EGFL6: variants seen among roughly 807,000 people sequenced by gnomAD.
The protein encoded by EGFL6 is EGF like domain multiple 6.
In EGFL6, 42 loss-of-function variants were observed where a neutral mutation model predicts 43.1. That is an observed-to-expected ratio of 0.98 (90% CI 0.76 to 1.26). The LOEUF is 1.26. EGFL6 is among the 50% of genes most tolerant of loss of function. The pLI is 0.00. For synonymous variants in EGFL6, 164 were observed against 163.2 expected (o/e 1.01, Z -0.04); for missense variants, 429 against 427.8 (o/e 1.00, Z -0.02).
At chrX:13,615,775 TC>T (rs1011836856) in intron 7 of EGFL6, among the ~76,000 whole-genome samples, 1 of 112,205 alleles carries the variant, frequency 8.9e-6, no homozygotes, top group African/African-American at 3.2e-5. Flanking sequence ...AAAGCATTTT[TC>T]CCCCGTTTGG....
chrX:13,587,329 T>G, intron 1 of EGFL6, among the ~76,000 whole-genome samples: 1 of 112,356 alleles, frequency 8.9e-6, no homozygotes, highest in Non-Finnish European at 1.9e-5. Context: ...TTATGGTTAG[T>G]TGCCCATAGT....
intron 2 of EGFL6, 151 bp downstream of exon 2, chrX:13,589,819 C>G (rs2045554077): frequency 2.5e-6 from 1 of 400,372 alleles, no homozygotes; most frequent in Admixed American, 4.6e-5. Context: ...CCTATGAGAT[C>G]TCTTCCCAGA....
At chrX:13,605,667 C>CATCTATTT (rs1201485984) in intron 5 of EGFL6, among the ~76,000 whole-genome samples, 2 of 109,767 alleles carry the variant, frequency 1.8e-5, no homozygotes, top group Non-Finnish European at 3.8e-5. Flanking sequence ...AACAAACTAA[C>CATCTATTT]ATCTATTTGA....
At chrX:13,604,585 C>T (rs1025015842) in intron 5 of EGFL6, among the ~76,000 whole-genome samples, 2 of 111,909 alleles carry the variant, frequency 1.8e-5, no homozygotes. Context: ...CCACAGGGCA[C>T]CCTCAGTGAC....
chrX:13,569,835 G>A lies in EGFL6; in HGVS notation c.-27G>A. The A allele has an allele frequency of 8.3e-7, 1 of 1,207,527 alleles. No homozygotes were observed. ...CCGGCGCCCTCCCGAGGGGGGCTCA[G>A]GAGGAGGAAGGAGGACCCGTGCGAG... On this transcript the variant is annotated 5_prime_UTR_variant, in exon 1 of 12. Coordinates refer to ENST00000361306, the MANE Select transcript of EGFL6 (RefSeq NM_015507.4).
At chrX:13,598,794 CAT>C (rs2045614770) in intron 3 of EGFL6, among the ~76,000 whole-genome samples, 1 of 103,117 alleles carries the variant, frequency 9.7e-6, no homozygotes, top group Non-Finnish European at 2.0e-5. Flanking sequence ...GTATATATTT[CAT>C]ATATATATAA....
chrX:13,621,183 ATGG>A (rs2045746558), intron 9 of EGFL6, among the ~76,000 whole-genome samples: 1 of 112,591 alleles, frequency 8.9e-6, no homozygotes, highest in Admixed American at 9.4e-5. Context: ...ATCCCAGGAA[ATGG>A]TGGTTGGGGG....
At chrX:13,625,913 A>G (rs1431720618) in intron 10 of EGFL6, among the ~76,000 whole-genome samples, 4 of 89,049 alleles carry the variant, frequency 4.5e-5, no homozygotes, top group Admixed American at 1.3e-4. Flanking sequence ...AGAAAAAGAA[A>G]AAAAGAAAAG....
At chrX:13,627,774 G>A (rs1035416157) in intron 11 of EGFL6, among the ~76,000 whole-genome samples, 7 of 112,017 alleles carry the variant, frequency 6.2e-5, no homozygotes, top group Admixed American at 5.7e-4. Flanking sequence ...CACAAGTACA[G>A]TTTGTATAGA....
intron 8 of EGFL6, among the ~76,000 whole-genome samples, chrX:13,618,801 A>G (rs1351777462): frequency 9.0e-6 from 1 of 111,165 alleles, no homozygotes; most frequent in Non-Finnish European, 1.9e-5. Context: ...ATTTAACCAA[A>G]GGAAAAGTAG....
intron 5 of EGFL6, among the ~76,000 whole-genome samples, chrX:13,605,263 A>G (rs767613450): frequency 1.8e-5 from 2 of 111,530 alleles, no homozygotes; most frequent in Non-Finnish European, 1.9e-5. Flanking sequence ...GCAAGACTCC[A>G]TCTCTATAAA....
At chrX:13,628,508 G>A (rs1334488894) in intron 11 of EGFL6, among the ~76,000 whole-genome samples, 3 of 110,771 alleles carry the variant, frequency 2.7e-5, no homozygotes, top group Non-Finnish European at 3.8e-5. Context: ...CACTGTGGAC[G>A]TTATAAAGAG....
Position 13,606,477 on chromosome X carries a change from G to A in EGFL6, c.619G>A (p.Glu207Lys), listed in dbSNP as rs1321889644. The A allele has an allele frequency of 1.7e-5, 21 of 1,209,479 alleles. No homozygotes were observed. Among genetic ancestry groups the A allele is most frequent in the African/African-American group, 3.5e-5 (2 of 57,204 alleles). ...CTACTGCAAATGTCACATTGGTTTC[G>A]AACTGCAATATATCAGTGGACGATA... is the stretch of plus-strand genomic sequence containing the variant. ...SYYCKCHIGF[E>K]LQYISGRYDC... Residue 207 changes from glutamate (E) to lysine (K), a missense_variant, in exon 6 of 12, where the codon GAA becomes AAA. Coordinates refer to ENST00000361306, the MANE Select transcript of EGFL6 (RefSeq NM_015507.4).
intron 9 of EGFL6, among the ~76,000 whole-genome samples, 182 bp from the exon 10 acceptor site, chrX:13,623,642 G>A (rs1399188760): frequency 1.8e-5 from 2 of 108,638 alleles, no homozygotes; most frequent in African/African-American, 6.7e-5. Context: ...AAAGCTTTTT[G>A]TTTTTTTAAG....
intron 7 of EGFL6, among the ~76,000 whole-genome samples, chrX:13,615,384 CTT>C (rs1430189450): frequency 8.9e-6 from 1 of 112,208 alleles, no homozygotes; most frequent in African/African-American, 3.2e-5. Context: ...TATTAAAGGT[CTT>C]TAGTTTTATG....
Position 13,569,662 on chromosome X carries a change from GC to G in EGFL6, c.-196del, listed in dbSNP as rs1391006219. 3.4e-6 allele frequency: 1 copy of G among 294,540 alleles called. No individual in the cohort carries two copies. The highest frequency in any genetic ancestry group is 6.0e-6 in the Non-Finnish European group (1 of 167,272). The allele number at this position is 294,540 out of a possible 1,213,427, so 24.3% of individuals were successfully genotyped here. A position where few individuals can be genotyped will look rare whatever the true frequency, so the allele number is the denominator to read the frequency against. ...GGCCAGGCTTGCCAGGGCGCCCCCA[GC>G]CCCTCCCCAGGCCGCGAGCGCCCCT... On this transcript the variant is annotated 5_prime_UTR_variant, in exon 1 of 12. Coordinates refer to ENST00000361306, the MANE Select transcript of EGFL6 (RefSeq NM_015507.4).
At chrX:13,613,040 G>GGA (rs2045700224) in intron 7 of EGFL6, among the ~76,000 whole-genome samples, 1 of 108,515 alleles carries the variant, frequency 9.2e-6, no homozygotes, top group African/African-American at 3.4e-5. Context: ...AGCTACTCGG[G>GGA]AGGCTGAGGT....
chrX:13,580,262 G>T (rs1446428509), intron 1 of EGFL6, among the ~76,000 whole-genome samples: 2 of 111,142 alleles, frequency 1.8e-5, no homozygotes, highest in Non-Finnish European at 3.8e-5. Flanking sequence ...CACTCTCCAG[G>T]TTATCTTCCC....
chrX:13,631,816 AAAAC>A (rs1030994821), intron 11 of EGFL6, among the ~76,000 whole-genome samples: 45 of 109,146 alleles, frequency 4.1e-4, no homozygotes, highest in Non-Finnish European at 7.2e-4. Context: ...ATAAATAAAT[AAAAC>A]AAAATCTTCA....
Sources: gnomAD v4.1 joint callset for allele counts (sites outside exome capture counted in the v4.1 genomes callset) on GRCh38, gnomAD v4.1.1 for gene constraint, MANE v1.5 for transcripts, NCBI Gene and HGNC (gene_info 2026-07-23, HGNC 2026-07-21) for gene names.